The following HS3ST3A1 variants were observed in gnomAD, a reference collection of about 807,000 sequenced individuals.
HS3ST3A1 encodes the protein heparan sulfate-glucosamine 3-sulfotransferase 3A1.
A neutral mutation model predicts 25.7 loss-of-function variants in HS3ST3A1; 19 were observed. That is an observed-to-expected ratio of 0.74 (90% CI 0.52 to 1.08). The LOEUF (loss-of-function observed/expected upper bound fraction) is 1.08. Among genes scored for constraint, HS3ST3A1 ranks in the 50% least tolerant of loss-of-function variants. HS3ST3A1 has a pLI of 0.00. For missense variants in HS3ST3A1, 459 were observed against 594.3 expected (o/e 0.77, Z 2.37); for synonymous variants, 226 against 278.6 (o/e 0.81, Z 1.88).
intron 1 of HS3ST3A1, among the ~76,000 whole-genome samples, chr17:13,558,085 C>T (rs1907430065): frequency 6.6e-6 from 1 of 152,076 alleles, no homozygotes; most frequent in Admixed American, 6.6e-5. Flanking sequence ...AGCTATAGTC[C>T]ACCAAGATTT....
intron 1 of HS3ST3A1, among the ~76,000 whole-genome samples, chr17:13,539,267 G>A (rs758963069): frequency 1.2e-4 from 18 of 152,288 alleles, no homozygotes; most frequent in Middle Eastern, 3.4e-3. Context: ...CAAATCCCAA[G>A]GCCAGCTCAA....
Position 13,494,599 on chromosome 17 carries a change from C to T in HS3ST3A1, c.*1598G>A, listed in dbSNP as rs770253818. ...TTTAAATTTTGGCAGATAAAGAAAA[C>T]TTCCATGAAATAGAAGACATTTTTC... On this transcript the variant is annotated 3_prime_UTR_variant, in exon 2 of 2. Coordinates refer to ENST00000284110, the MANE Select transcript of HS3ST3A1 (RefSeq NM_006042.3). 6.6e-6 allele frequency among the ~76,000 whole-genome samples: 1 copy of T among 151,428 alleles called. No homozygotes were observed. The highest frequency in any genetic ancestry group is 2.2e-4 in the South Asian group (1 of 4,612).
At chr17:13,597,868 C>T in intron 1 of HS3ST3A1, among the ~76,000 whole-genome samples, 1 of 152,164 alleles carries the variant, frequency 6.6e-6, no homozygotes, top group East Asian at 1.9e-4. Flanking sequence ...ACTCATTCTC[C>T]AAGACACTTT....
At chr17:13,583,543 C>T (rs1169303802) in intron 1 of HS3ST3A1, among the ~76,000 whole-genome samples, 1 of 152,170 alleles carries the variant, frequency 6.6e-6, no homozygotes, top group Non-Finnish European at 1.5e-5. Flanking sequence ...TCTCTTCTCC[C>T]TCATCCCCTC....
At chr17:13,506,898 A>G (rs1161571433) in intron 1 of HS3ST3A1, among the ~76,000 whole-genome samples, 6 of 147,242 alleles carry the variant, frequency 4.1e-5, no homozygotes, top group Non-Finnish European at 6.0e-5. Flanking sequence ...CTCTACTAAA[A>G]TACAAAAAAA....
chr17:13,587,147 T>C (rs949484958), intron 1 of HS3ST3A1, among the ~76,000 whole-genome samples: 32 of 151,628 alleles, frequency 2.1e-4, no homozygotes, highest in Admixed American at 1.3e-4. Context: ...TCCCAACTCC[T>C]TAAACATGCC....
At chr17:13,568,279 A>C (rs543185173) in intron 1 of HS3ST3A1, among the ~76,000 whole-genome samples, 1 of 152,224 alleles carries the variant, frequency 6.6e-6, no homozygotes. Context: ...AATAGACTAT[A>C]GTATAGCATA....
intron 1 of HS3ST3A1, among the ~76,000 whole-genome samples, chr17:13,512,126 C>T (rs1395093256): frequency 1.3e-5 from 2 of 151,860 alleles, no homozygotes; most frequent in South Asian, 2.1e-4. Context: ...GGTGAAACCC[C>T]GTCTCTACTA....
intron 1 of HS3ST3A1, among the ~76,000 whole-genome samples, chr17:13,571,697 A>C (rs1482884103): frequency 6.6e-6 from 1 of 152,240 alleles, no homozygotes; most frequent in African/African-American, 2.4e-5. Context: ...CAATGGGTAG[A>C]TGAGTTTTCA....
At chr17:13,589,666 TACACAC>T (rs145947782) in intron 1 of HS3ST3A1, among the ~76,000 whole-genome samples, 2 of 151,350 alleles carry the variant, frequency 1.3e-5, no homozygotes, top group South Asian at 2.1e-4. Context: ...ACCAGAAAAT[TACACAC>T]ACACACACAC....
At chr17:13,530,681 T>C (rs12951100) in intron 1 of HS3ST3A1, among the ~76,000 whole-genome samples, 59,395 of 152,028 alleles carry the variant, frequency 0.39, 12,905 homozygotes, top group African/African-American at 0.6. Context: ...CCCCAAAAGC[T>C]GATAGTCCTG....
chr17:13,578,582 A>G (rs913028228), intron 1 of HS3ST3A1, among the ~76,000 whole-genome samples: 5 of 146,338 alleles, frequency 3.4e-5, no homozygotes, highest in African/African-American at 1.0e-4. Context: ...AAAAAAAAAA[A>G]GTCAGGGTTT....
At chr17:13,520,268 T>A (rs576473675) in intron 1 of HS3ST3A1, among the ~76,000 whole-genome samples, 12 of 152,248 alleles carry the variant, frequency 7.9e-5, no homozygotes, top group African/African-American at 2.7e-4. Flanking sequence ...AGTATGCTAT[T>A]ATTTTCTCAT....
At chr17:13,570,664 T>C (rs893645322) in intron 1 of HS3ST3A1, among the ~76,000 whole-genome samples, 19 of 152,110 alleles carry the variant, frequency 1.2e-4, no homozygotes, top group Non-Finnish European at 5.9e-5. Flanking sequence ...TTTGTAGAGA[T>C]GGGATTTCAT....
intron 1 of HS3ST3A1, among the ~76,000 whole-genome samples, chr17:13,544,178 G>C (rs1205379926): frequency 6.6e-6 from 1 of 151,846 alleles, no homozygotes; most frequent in African/African-American, 2.4e-5. Flanking sequence ...TTCTTACTTT[G>C]GGTTTGCTTT....
chr17:13,570,554 A>G (rs923581772), intron 1 of HS3ST3A1, among the ~76,000 whole-genome samples: 14 of 152,208 alleles, frequency 9.2e-5, no homozygotes, highest in African/African-American at 3.4e-4. Flanking sequence ...ATCACAGCTC[A>G]GTGTAGCCTC....
intron 1 of HS3ST3A1, among the ~76,000 whole-genome samples, chr17:13,501,019 A>G (rs999535769): frequency 2.6e-5 from 4 of 152,232 alleles, no homozygotes; most frequent in African/African-American, 9.6e-5. Context: ...AAAAAGACAA[A>G]TACTGTATGA....
intron 1 of HS3ST3A1, among the ~76,000 whole-genome samples, chr17:13,528,941 A>T (rs1437258815): frequency 6.6e-6 from 1 of 151,834 alleles, no homozygotes; most frequent in Non-Finnish European, 1.5e-5. Context: ...GGGGTGGGGG[A>T]TGAAGCGGGG....
At chr17:13,534,734 A>C (rs1208910741) in intron 1 of HS3ST3A1, among the ~76,000 whole-genome samples, 1 of 151,870 alleles carries the variant, frequency 6.6e-6, no homozygotes, top group Admixed American at 6.6e-5. Context: ...GTCTCAAAAA[A>C]ATAAATAATG....
Sources: allele counts gnomAD v4.1 joint callset (sites outside exome capture counted in the v4.1 genomes callset), GRCh38; gene constraint gnomAD v4.1.1; transcripts MANE v1.5; gene names NCBI Gene and HGNC (gene_info 2026-07-23, HGNC 2026-07-21).